LEPR: variants seen among roughly 807,000 people sequenced by gnomAD.
The protein encoded by LEPR is OB receptor.
A neutral mutation model predicts 114.7 loss-of-function variants in LEPR; 56 were observed. The observed-to-expected ratio is 0.49, with a 90% CI of 0.39 to 0.61. The LOEUF (loss-of-function observed/expected upper bound fraction) is 0.61. LEPR is among the 20% of genes least tolerant of loss of function. The pLI is 0.00. For synonymous variants in LEPR, 443 were observed against 461.4 expected (o/e 0.96, Z 0.51); for missense variants, 1,202 against 1,352.9 (o/e 0.89, Z 1.75).
chr1:65,634,777 A>G (rs190979299), intron 19 of LEPR: 1 of 912,426 alleles, frequency 1.1e-6, no homozygotes, highest in African/African-American at 1.8e-5. Context: ...GTTCATTTAA[A>G]TTTTAAGACA....
chr1:65,428,646 G>C (rs922365557), intron 2 of LEPR, among the ~76,000 whole-genome samples: 3 of 152,114 alleles, frequency 2.0e-5, no homozygotes, highest in Non-Finnish European at 4.4e-5. Flanking sequence ...CCTGCTTGTA[G>C]GTGCTGTCTG....
intron 1 of LEPR, among the ~76,000 whole-genome samples, chr1:65,423,793 C>G (rs976876230): frequency 6.6e-6 from 1 of 152,082 alleles, no homozygotes; most frequent in Non-Finnish European, 1.5e-5. Flanking sequence ...TAGTTTAATA[C>G]TAATTATGAG....
chr1:65,463,966 GCAAA>G (rs1276857364), intron 2 of LEPR, among the ~76,000 whole-genome samples: 1 of 152,142 alleles, frequency 6.6e-6, no homozygotes, highest in African/African-American at 2.4e-5. Context: ...CATGTCATCT[GCAAA>G]CAGAGACAAT....
rs745703588 is a variant in LEPR at position 65,596,582 on chromosome 1, G to T, written c.838G>T (p.Val280Phe). 1.2e-6 allele frequency: 2 copies of T among 1,612,028 alleles called. No individual in the cohort carries two copies. Among genetic ancestry groups the T allele is most frequent in the Non-Finnish European group, 1.7e-6 (2 of 1,178,764 alleles). The change falls in exon 7 of 20, where the codon GTT becomes TTT. Residue 280 changes from valine to phenylalanine, a missense_variant. Val to Phe is a conservative substitution (Grantham distance 50). Transcript: ENST00000349533. ...GAAATATTCAGAGAATTCTACAACA[G>T]TTATCAGAGAAGTAAGTATATTTTA... ...QVKYSENSTT[V>F]IREADKIVSA...
chr1:65,534,976 C>G (rs1185692), intron 2 of LEPR, among the ~76,000 whole-genome samples: 110,483 of 151,992 alleles, frequency 0.73, 41,254 homozygotes, highest in Middle Eastern at 0.9. Context: ...TTATTTGGGT[C>G]TCTAAACCTA....
At chr1:65,617,627 A>AG (rs1657611284) in intron 15 of LEPR, among the ~76,000 whole-genome samples, 1 of 152,220 alleles carries the variant, frequency 6.6e-6, no homozygotes, top group East Asian at 1.9e-4. Context: ...TAAAATGAAC[A>AG]GATTTGTGCT....
chr1:65,530,020 C>A (rs1034768373), intron 2 of LEPR, among the ~76,000 whole-genome samples: 9 of 152,204 alleles, frequency 5.9e-5, no homozygotes, highest in African/African-American at 1.9e-4. Context: ...CAAGCCTTGA[C>A]TGCTCCCTCT....
intron 11 of LEPR, among the ~76,000 whole-genome samples, chr1:65,606,360 CAT>C (rs765984891): frequency 6.6e-6 from 1 of 152,120 alleles, no homozygotes; most frequent in Non-Finnish European, 1.5e-5. Flanking sequence ...GATTCAGTAA[CAT>C]ATGTTACTTG....
At chr1:65,511,740 C>T (rs1170102567) in intron 2 of LEPR, among the ~76,000 whole-genome samples, 2 of 152,036 alleles carry the variant, frequency 1.3e-5, no homozygotes, top group Non-Finnish European at 2.9e-5. Flanking sequence ...GAGAGACTAG[C>T]AAATGCAGGA....
intron 2 of LEPR, chr1:65,526,311 A>C: frequency 1.0e-6 from 1 of 985,454 alleles, no homozygotes; most frequent in South Asian, 4.7e-5. Flanking sequence ...CCCTGCAAGC[A>C]AATTAAACAA....
intron 2 of LEPR, among the ~76,000 whole-genome samples, chr1:65,453,670 T>C (rs1646821802): frequency 6.6e-6 from 1 of 152,248 alleles, no homozygotes; most frequent in Non-Finnish European, 1.5e-5. Flanking sequence ...TCTGTTCTTT[T>C]ACATTTGCTG....
chr1:65,492,695 G>T (rs1385514614), intron 2 of LEPR, among the ~76,000 whole-genome samples: 2 of 151,860 alleles, frequency 1.3e-5, no homozygotes, highest in East Asian at 3.9e-4. Flanking sequence ...TTAGATAAAT[G>T]CATGTGTTAG....
chr1:65,634,494 A>C, intron 19 of LEPR: 5 of 945,218 alleles, frequency 5.3e-6, no homozygotes, highest in Non-Finnish European at 6.3e-6. Context: ...ACTTTTAATA[A>C]AGTTTTATAA....
intron 2 of LEPR, among the ~76,000 whole-genome samples, chr1:65,501,620 T>TG (rs1557626995): frequency 6.6e-6 from 1 of 151,946 alleles, no homozygotes; most frequent in East Asian, 1.9e-4. Flanking sequence ...ACACATCTTT[T>TG]GGGGGGATAC....
chr1:65,625,974 C>A (rs1557704174), intron 19 of LEPR: 4 of 523,574 alleles, frequency 7.6e-6, no homozygotes, highest in East Asian at 5.8e-5. Context: ...GAGGCTGAAA[C>A]ACTCTCTCTT....
At chr1:65,628,335 A>G (rs1479590886) in intron 19 of LEPR, among the ~76,000 whole-genome samples, 1 of 152,116 alleles carries the variant, frequency 6.6e-6, no homozygotes, top group East Asian at 1.9e-4. Flanking sequence ...AACTTTCTGC[A>G]TTTTCTTCAT....
At chr1:65,549,624 A>C (rs897858747) in intron 2 of LEPR, among the ~76,000 whole-genome samples, 6 of 152,082 alleles carry the variant, frequency 3.9e-5, no homozygotes, top group African/African-American at 1.4e-4. Context: ...AGGCTTCTGC[A>C]TTCTTCACGT....
chr1:65,555,322 G>A (rs1367615125), intron 2 of LEPR, among the ~76,000 whole-genome samples: 1 of 152,226 alleles, frequency 6.6e-6, no homozygotes, highest in East Asian at 1.9e-4. Flanking sequence ...GTCAACTTCA[G>A]CAATCAGTTT....
At chr1:65,431,718 G>A in intron 2 of LEPR, 1 of 1,382,276 alleles carries the variant, frequency 7.2e-7, no homozygotes, top group Non-Finnish European at 9.9e-7. Context: ...TTCATTGGAT[G>A]TTTCTAATGC....
Sources: allele counts gnomAD v4.1 joint callset (sites outside exome capture counted in the v4.1 genomes callset), GRCh38; gene constraint gnomAD v4.1.1; transcripts MANE v1.5; gene names NCBI Gene and HGNC (gene_info 2026-07-23, HGNC 2026-07-21).